Variants in DPP6 observed in about 807,000 individuals in gnomAD.
The protein encoded by DPP6 is A-type potassium channel modulatory protein DPP6.
A neutral mutation model predicts 122.6 loss-of-function variants in DPP6; 69 were observed. The observed-to-expected ratio is 0.56, with a 90% CI of 0.46 to 0.69. The LOEUF is 0.69. Among genes scored for constraint, DPP6 ranks in the 30% least tolerant of loss-of-function variants. DPP6 has a pLI of 0.00. For missense variants in DPP6, 928 were observed against 1,116.9 expected (o/e 0.83, Z 2.41); for synonymous variants, 418 against 433.1 (o/e 0.97, Z 0.43).
intron 1 of DPP6, among the ~76,000 whole-genome samples, chr7:153,941,742 A>G (rs190091075): frequency 6.6e-6 from 1 of 152,346 alleles, no homozygotes; most frequent in East Asian, 1.9e-4. Context: ...TCAGGTACAC[A>G]GCAAGGTAAG....
In DPP6 at chr7:154,772,814, G is replaced by A. The variant is rs778326291; in HGVS notation, c.1039-31G>A. On this transcript the variant is annotated intron_variant, in intron 9 of 25. Transcript: ENST00000377770. ...AGTTCACTCTTGTATAAGGCTGCTTGTTCATGTCTCTGCCCCTTTTTAATC... is the reference window on the plus strand; with the variant it reads ...AGTTCACTCTTGTATAAGGCTGCTTATTCATGTCTCTGCCCCTTTTTAATC... 31 of 1,602,178 alleles carry A rather than the reference G, an allele frequency of 1.9e-5. No individual in the cohort carries two copies. The East Asian group carries it at 5.4e-4, about 28-fold the overall frequency.
At chr7:153,940,204 C>G (rs886830897) in intron 1 of DPP6, among the ~76,000 whole-genome samples, 5 of 152,120 alleles carry the variant, frequency 3.3e-5, no homozygotes, top group Admixed American at 3.3e-4. Flanking sequence ...GTCAGTCCAC[C>G]GAAAAGCTGG....
chr7:153,848,340 C>G, the DPP6 span, among the ~76,000 whole-genome samples: 4 of 151,270 alleles, frequency 2.6e-5, no homozygotes, highest in Non-Finnish European at 5.9e-5. Flanking sequence ...GTTCTAAGGC[C>G]TAAGTAAACT....
chr7:154,611,592 T>G (rs972440723), intron 5 of DPP6, among the ~76,000 whole-genome samples: 1 of 152,178 alleles, frequency 6.6e-6, no homozygotes, highest in Non-Finnish European at 1.5e-5. Context: ...ATAGAAGATA[T>G]CCTTGTTTCT....
At chr7:154,750,435 G>A (rs1332602431) in intron 8 of DPP6, among the ~76,000 whole-genome samples, 2 of 152,230 alleles carry the variant, frequency 1.3e-5, no homozygotes, top group Non-Finnish European at 1.5e-5. Flanking sequence ...TCCCAGCGGC[G>A]GGTAGTGCGG....
intron 1 of DPP6, among the ~76,000 whole-genome samples, chr7:154,046,535 AT>A (rs1459472358): frequency 6.6e-6 from 1 of 152,248 alleles, no homozygotes; most frequent in African/African-American, 2.4e-5. Context: ...TAGGTTGGAA[AT>A]GCAATCACAT....
intron 4 of DPP6, among the ~76,000 whole-genome samples, chr7:154,565,509 G>A (rs1586641291): frequency 6.6e-6 from 1 of 152,124 alleles, no homozygotes; most frequent in East Asian, 1.9e-4. Context: ...AGGTGCAGAG[G>A]ACCATAATAT....
chr7:154,736,666 A>G (rs1456872783), intron 8 of DPP6, among the ~76,000 whole-genome samples: 1 of 152,218 alleles, frequency 6.6e-6, no homozygotes, highest in Non-Finnish European at 1.5e-5. Flanking sequence ...ATCATTTGTA[A>G]TGACAACCAA....
intron 1 of DPP6, among the ~76,000 whole-genome samples, chr7:154,065,025 G>A (rs1173515240): frequency 6.6e-6 from 1 of 151,982 alleles, no homozygotes; most frequent in Non-Finnish European, 1.5e-5. Context: ...CCATTCTAAT[G>A]CTGTCACCTC....
chr7:154,228,907 T>C (rs1193384412), intron 1 of DPP6, among the ~76,000 whole-genome samples: 1 of 152,160 alleles, frequency 6.6e-6, no homozygotes, highest in Admixed American at 6.6e-5. Context: ...TTACAGATTT[T>C]GTAAGATTAG....
chr7:154,257,719 A>G (rs1188172054), intron 1 of DPP6, among the ~76,000 whole-genome samples: 2 of 152,056 alleles, frequency 1.3e-5, no homozygotes, highest in East Asian at 3.9e-4. Context: ...AAATAAATAA[A>G]TAATAAACAG....
chr7:154,745,495 A>G (rs1435674415), intron 8 of DPP6, among the ~76,000 whole-genome samples: 1 of 152,220 alleles, frequency 6.6e-6, no homozygotes. Flanking sequence ...ATTAGAGGCT[A>G]GAATGCTCAA....
chr7:153,773,324 A>AT, the DPP6 span, among the ~76,000 whole-genome samples: 492 of 39,350 alleles, frequency 0.013, no homozygotes, highest in African/African-American at 0.024. Flanking sequence ...ATATATATAT[A>AT]TATATATTTT....
At chr7:154,083,396 C>G (rs7357098) in intron 1 of DPP6, among the ~76,000 whole-genome samples, 1 of 151,928 alleles carries the variant, frequency 6.6e-6, no homozygotes, top group Non-Finnish European at 1.5e-5. Context: ...CTTCAGGTAC[C>G]AGGAAGTGAA....
chr7:154,163,282 A>C (rs1563264922), intron 1 of DPP6, among the ~76,000 whole-genome samples: 1 of 151,726 alleles, frequency 6.6e-6, no homozygotes, highest in Non-Finnish European at 1.5e-5. Flanking sequence ...CAACACCCAG[A>C]CTCTGTGTGT....
At chr7:154,368,491 G>T (rs183079614) in intron 1 of DPP6, among the ~76,000 whole-genome samples, 3 of 152,312 alleles carry the variant, frequency 2.0e-5, no homozygotes, top group Non-Finnish European at 4.4e-5. Flanking sequence ...GCTTGCGGCT[G>T]CAGTGTTTAC....
chr7:153,760,498 G>A, the DPP6 span, among the ~76,000 whole-genome samples: 1 of 152,024 alleles, frequency 6.6e-6, no homozygotes, highest in Non-Finnish European at 1.5e-5. Context: ...CTGGATATTC[G>A]AATATTCCTA....
At chr7:154,339,139 A>G (rs1809692770) in intron 1 of DPP6, among the ~76,000 whole-genome samples, 1 of 152,236 alleles carries the variant, frequency 6.6e-6, no homozygotes, top group Non-Finnish European at 1.5e-5. Context: ...TGTAATCAAC[A>G]TTCATAGACT....
intron 1 of DPP6, among the ~76,000 whole-genome samples, chr7:154,005,774 G>T (rs1232560635): frequency 6.6e-6 from 1 of 151,024 alleles, no homozygotes; most frequent in Admixed American, 6.6e-5. Context: ...GAGAGAAGTG[G>T]GTAGGGTTTT....
Sources: gnomAD v4.1 joint callset for allele counts (sites outside exome capture counted in the v4.1 genomes callset) on GRCh38, gnomAD v4.1.1 for gene constraint, MANE v1.5 for transcripts, NCBI Gene and HGNC (gene_info 2026-07-23, HGNC 2026-07-21) for gene names.